Variants in SLC7A8 observed in about 807,000 individuals in gnomAD.
The protein encoded by SLC7A8 is solute carrier family 7 member 8, also known as large neutral amino acids transporter small subunit 2.
A neutral mutation model predicts 51.2 loss-of-function variants in SLC7A8; 30 were observed. That is an observed-to-expected ratio of 0.59 (90% CI 0.44 to 0.80). The LOEUF is 0.80. SLC7A8 is among the 30% of genes least tolerant of loss of function. The pLI is 0.00. For missense variants in SLC7A8, 612 were observed against 674.4 expected, an observed-to-expected ratio of 0.91 and a Z score of 1.03; for synonymous variants, 257 against 275.8, an observed-to-expected ratio of 0.93 and a Z score of 0.67.
chr14:23,153,340 T>C (rs1168434658), intron 3 of SLC7A8, among the ~76,000 whole-genome samples: 1 of 152,196 alleles, frequency 6.6e-6, no homozygotes, highest in Non-Finnish European at 1.5e-5. Flanking sequence ...AAGACCAGAC[T>C]GGGACAGCCC....
chr14:23,155,248 A>G, intron 3 of SLC7A8: 1 of 1,536,130 alleles, frequency 6.5e-7, no homozygotes, highest in Non-Finnish European at 8.7e-7. Flanking sequence ...TTCCAAGGAC[A>G]CACCAGCAGA....
At chr14:23,160,428 G>A (rs537580042) in intron 3 of SLC7A8, among the ~76,000 whole-genome samples, 3 of 152,040 alleles carry the variant, frequency 2.0e-5, no homozygotes, top group Non-Finnish European at 4.4e-5. Context: ...AAAATTAGCC[G>A]GACGTGGTGG....
intron 3 of SLC7A8, among the ~76,000 whole-genome samples, chr14:23,157,414 C>T (rs2048899718): frequency 6.6e-6 from 1 of 152,220 alleles, no homozygotes; most frequent in African/African-American, 2.4e-5. Flanking sequence ...CATCCTTTAG[C>T]TTTGCAGCAT....
intron 3 of SLC7A8, among the ~76,000 whole-genome samples, chr14:23,159,220 A>G (rs994522191): frequency 6.6e-6 from 1 of 152,132 alleles, no homozygotes; most frequent in Non-Finnish European, 1.5e-5. Context: ...GGATTTTTTT[A>G]GTTTCTTTCT....
intron 1 of SLC7A8, among the ~76,000 whole-genome samples, chr14:23,167,779 A>G (rs749765084): frequency 3.3e-5 from 5 of 152,166 alleles, no homozygotes. Context: ...GAGCTAGAGT[A>G]TCCTGAGGTC....
chr14:23,143,043 A>C, intron 4 of SLC7A8, 36 bp downstream of exon 4: 3 of 1,611,040 alleles, frequency 1.9e-6, no homozygotes, highest in Non-Finnish European at 2.5e-6. Flanking sequence ...AAGGGGAGGA[A>C]AGCTGGGCAG....
chr14:23,144,341 ATTTTTTTTTTTT>A lies in SLC7A8; in HGVS notation c.509-1149_509-1138del, dbSNP rs67517828. Among the ~76,000 whole-genome samples the A allele has an allele frequency of 8.7e-5, 10 of 114,348 alleles. No homozygotes were observed. The South Asian group carries it at 2.7e-3, about 30-fold the overall frequency. 75.0% of individuals were successfully genotyped at this position (114,348 alleles called of 152,430 possible). On this transcript the variant is annotated intron_variant, in intron 3 of 10. Coordinates refer to ENST00000316902, the MANE Select transcript of SLC7A8 (RefSeq NM_012244.4). ...ATTTGGTATTGTCAGTTTAAACACA[ATTTTTTTTTTTT>A]TTTTTTTTTTGGCTAATAGGCATGT... is the stretch of plus-strand genomic sequence containing the variant.
intron 8 of SLC7A8, among the ~76,000 whole-genome samples, chr14:23,131,125 T>A (rs1010331190): frequency 6.6e-6 from 1 of 152,144 alleles, no homozygotes; most frequent in Admixed American, 6.5e-5. Context: ...TGCAACCCTG[T>A]GGTAACAGGT....
chr14:23,150,331 G>A (rs1031762349), intron 3 of SLC7A8, among the ~76,000 whole-genome samples: 5 of 152,100 alleles, frequency 3.3e-5, no homozygotes, highest in African/African-American at 4.8e-5. Context: ...AGTCTTTTTC[G>A]GGCGTGGAAC....
At chr14:23,166,114 A>G (rs868682610) in intron 2 of SLC7A8, among the ~76,000 whole-genome samples, 1 of 152,118 alleles carries the variant, frequency 6.6e-6, no homozygotes, top group South Asian at 2.1e-4. Context: ...ATAGAGGTCA[A>G]AACTACAAAC....
intron 3 of SLC7A8, chr14:23,155,256 AGAG>A (rs1193843660): frequency 5.9e-6 from 9 of 1,536,020 alleles, no homozygotes; most frequent in African/African-American, 2.7e-5. Flanking sequence ...ACACACCAGC[AGAG>A]GAGGAGGGTG....
At chr14:23,170,460 C>G (rs1019021532) in intron 1 of SLC7A8, among the ~76,000 whole-genome samples, 1 of 151,936 alleles carries the variant, frequency 6.6e-6, no homozygotes, top group Non-Finnish European at 1.5e-5. Context: ...TTCTTTCGTT[C>G]TTTCTTTTTT....
At chr14:23,180,842 G>A (rs1448159418) in intron 1 of SLC7A8, among the ~76,000 whole-genome samples, 3 of 152,102 alleles carry the variant, frequency 2.0e-5, no homozygotes, top group Non-Finnish European at 2.9e-5. Context: ...TGGTTAACAC[G>A]GTGAAACCCC....
rs79078776 is a variant in SLC7A8 at position 23,155,384 on chromosome 14, C to T, written c.508+9901G>A. 3.8e-3 allele frequency: 5,640 copies of T among 1,491,204 alleles called. 206 individuals carry two copies. In the East Asian group the frequency reaches 0.096, roughly 25 times the overall value. The allele number at this position is 1,491,204 out of a possible 1,614,324, so 92.4% of individuals were successfully genotyped here. A position where few individuals can be genotyped will look rare whatever the true frequency, so the allele number is the denominator to read the frequency against. On this transcript the variant is annotated intron_variant, in intron 3 of 10. Coordinates refer to ENST00000316902, the MANE Select transcript of SLC7A8 (RefSeq NM_012244.4). ...CCCCTCCCCTCCTCCCTTCCTGGCTCTCTCTTCCCCTTCCTTCTTATCCTG... is the reference window on the plus strand; with the variant it reads ...CCCCTCCCCTCCTCCCTTCCTGGCTTTCTCTTCCCCTTCCTTCTTATCCTG...
At position 23,128,770 on chromosome 14, in the gene SLC7A8, G is replaced by A. The variant is rs1373223170; in HGVS notation, c.1264-574C>T. Among the ~76,000 whole-genome samples, 3 of 152,282 alleles carry A rather than the reference G, an allele frequency of 2.0e-5. No individual in the cohort carries two copies. The highest frequency in any genetic ancestry group is 2.1e-4 in the South Asian group (1 of 4,828). On this transcript the variant is annotated intron_variant, in intron 9 of 10. Transcript: ENST00000316902. The surrounding 1 kb of genome is among the most constrained non-coding windows in gnomAD (Gnocchi z 4.3). Reference sequence around the variant, plus strand: ...AGGGCTCCAGGGGCAGTCCTGATTCGGCTGCCTTTCTCTTCCTTGTCTTCC... The same window carrying A: ...AGGGCTCCAGGGGCAGTCCTGATTCAGCTGCCTTTCTCTTCCTTGTCTTCC...
chr14:23,174,844 C>T (rs889781765), intron 1 of SLC7A8, among the ~76,000 whole-genome samples: 4 of 152,130 alleles, frequency 2.6e-5, no homozygotes, highest in Admixed American at 1.3e-4. Context: ...GTATGCTCAG[C>T]GGGGAGTTAA....
intron 10 of SLC7A8, 143 bp from the exon 11 acceptor site, chr14:23,127,486 C>G: frequency 1.1e-6 from 1 of 928,308 alleles, no homozygotes; most frequent in Non-Finnish European, 1.6e-6. Context: ...TCCTCGCCAC[C>G]TGGTCTGCCT....
intron 3 of SLC7A8, among the ~76,000 whole-genome samples, chr14:23,157,347 T>C (rs1378714761): frequency 6.6e-6 from 1 of 152,232 alleles, no homozygotes; most frequent in African/African-American, 2.4e-5. Context: ...ATCTGAATCC[T>C]TACAACTGAA....
At chr14:23,167,661 G>A (rs1228005887) in intron 1 of SLC7A8, among the ~76,000 whole-genome samples, 1 of 152,034 alleles carries the variant, frequency 6.6e-6, no homozygotes, top group African/African-American at 2.4e-5. Context: ...AGGTCATCGG[G>A]GTCCATTGAG....
Sources: allele counts gnomAD v4.1 joint callset (sites outside exome capture counted in the v4.1 genomes callset), GRCh38; gene constraint gnomAD v4.1.1; non-coding constraint Gnocchi (gnomAD v3.1); transcripts MANE v1.5; gene names NCBI Gene and HGNC (gene_info 2026-07-23, HGNC 2026-07-21).